The following RBFOX1 variants were observed in gnomAD, a reference collection of about 807,000 sequenced individuals.
RBFOX1 encodes RNA binding fox-1 homolog 1, also known as RNA binding protein fox-1 homolog 1.
In RBFOX1, 8 loss-of-function variants were observed where a neutral mutation model predicts 57.7. That is an observed-to-expected ratio of 0.14 (90% CI 0.08 to 0.25). The LOEUF is 0.25. Ranked by LOEUF, RBFOX1 falls within the 10% of genes least tolerant of loss-of-function variation. The probability of loss-of-function intolerance (pLI) is 1.00; values close to 1 mark genes in which losing one functional copy is unlikely to be tolerated. For missense variants in RBFOX1, 611 were observed against 548.5 expected, an observed-to-expected ratio of 1.11 and a Z score of -1.14; for synonymous variants, 326 against 222.4, an observed-to-expected ratio of 1.47 and a Z score of -4.15.
intron 4 of RBFOX1, among the ~76,000 whole-genome samples, chr16:7,282,717 T>G (rs1055806050): frequency 1.3e-5 from 2 of 152,190 alleles, no homozygotes; most frequent in African/African-American, 4.8e-5. Context: ...TGTAGGCTTT[T>G]ACCCCTCACC....
At chr16:7,317,857 G>A (rs1475806658) in intron 4 of RBFOX1, among the ~76,000 whole-genome samples, 1 of 152,198 alleles carries the variant, frequency 6.6e-6, no homozygotes, top group Non-Finnish European at 1.5e-5. Context: ...CAAAGACATA[G>A]CATTGTTAGG....
At chr16:7,484,393 C>G (rs1331476898) in intron 4 of RBFOX1, among the ~76,000 whole-genome samples, 6 of 152,130 alleles carry the variant, frequency 3.9e-5, no homozygotes, top group African/African-American at 9.7e-5. Context: ...ATTTAACATT[C>G]TAGGATACCA....
intron 2 of RBFOX1, among the ~76,000 whole-genome samples, chr16:5,574,070 T>C (rs1345619806): frequency 6.6e-6 from 1 of 152,232 alleles, no homozygotes; most frequent in Admixed American, 6.5e-5. Context: ...GCTCTTGAGA[T>C]TTTTATCTGT....
intron 2 of RBFOX1, among the ~76,000 whole-genome samples, chr16:5,559,038 C>T (rs1031834093): frequency 1.1e-4 from 16 of 151,994 alleles, no homozygotes; most frequent in Non-Finnish European, 2.2e-4. Context: ...GTTATGCTCA[C>T]GTGGGTACAG....
intron 4 of RBFOX1, among the ~76,000 whole-genome samples, chr16:7,194,335 G>C (rs2086160771): frequency 1.3e-5 from 2 of 152,120 alleles, no homozygotes; most frequent in African/African-American, 4.8e-5. Context: ...TTACATTACT[G>C]ATATCCAGTT....
At chr16:5,362,506 G>A (rs144676159) in intron 1 of RBFOX1, among the ~76,000 whole-genome samples, 5,884 of 152,322 alleles carry the variant, frequency 0.039, 157 homozygotes, top group South Asian at 0.093. Flanking sequence ...GGGATTACAG[G>A]CATGCGCCAA....
intron 1 of RBFOX1, among the ~76,000 whole-genome samples, chr16:5,350,599 C>T (rs762216831): frequency 1.3e-5 from 2 of 152,214 alleles, no homozygotes; most frequent in Non-Finnish European, 2.9e-5. Flanking sequence ...GGCACAGTGG[C>T]TTACACCTGT....
chr16:7,325,060 G>A (rs1304353997), intron 4 of RBFOX1, among the ~76,000 whole-genome samples: 3 of 152,266 alleles, frequency 2.0e-5, no homozygotes, highest in Middle Eastern at 3.4e-3. Flanking sequence ...TTGTTAGCAC[G>A]CTTTCATTTG....
At chr16:7,666,781 A>C (rs1319066811) in intron 13 of RBFOX1, among the ~76,000 whole-genome samples, 1 of 152,226 alleles carries the variant, frequency 6.6e-6, no homozygotes, top group Non-Finnish European at 1.5e-5. Context: ...AAGAAAATTT[A>C]TTCAGGGAAG....
rs1312269461 is a variant in RBFOX1 at position 7,594,402 on chromosome 16, A to G, written c.469-1147A>G. Among the ~76,000 whole-genome samples the G allele has an allele frequency of 2.0e-5, 3 of 152,222 alleles. No individual in the cohort carries two copies. The East Asian group carries it at 5.8e-4, about 29-fold the overall frequency. On this transcript the variant is annotated intron_variant, in intron 7 of 15. Coordinates refer to ENST00000550418, the MANE Select transcript of RBFOX1 (RefSeq NM_018723.4). ...GATTTCACCCAGTTTACAGTGAAAAATCTGAAAGAGCTGGGTAAATTTATG... is the reference window on the plus strand; with the variant it reads ...GATTTCACCCAGTTTACAGTGAAAAGTCTGAAAGAGCTGGGTAAATTTATG...
chr16:6,110,315 C>G (rs144880153), intron 1 of RBFOX1, among the ~76,000 whole-genome samples: 1,929 of 151,430 alleles, frequency 0.013, 25 homozygotes, highest in Non-Finnish European at 0.019. Context: ...GATAAATAAC[C>G]TCTCTGGAAA....
chr16:6,550,536 A>G (rs2096971183), intron 2 of RBFOX1, among the ~76,000 whole-genome samples: 1 of 151,954 alleles, frequency 6.6e-6, no homozygotes, highest in South Asian at 2.1e-4. Flanking sequence ...ATGTTGACCA[A>G]GCTGGTGTTG....
intron 4 of RBFOX1, among the ~76,000 whole-genome samples, chr16:7,387,026 C>G (rs944387376): frequency 1.3e-5 from 2 of 152,150 alleles, no homozygotes; most frequent in African/African-American, 4.8e-5. Flanking sequence ...TAAATGTCTT[C>G]TCTTGAGAAG....
At chr16:5,868,200 C>G (rs1215677536) in intron 4 of RBFOX1, among the ~76,000 whole-genome samples, 1 of 152,222 alleles carries the variant, frequency 6.6e-6, no homozygotes, top group Non-Finnish European at 1.5e-5. Flanking sequence ...GCCGGTCACT[C>G]TCACTCCTGA....
At chr16:7,294,125 C>G (rs1026061401) in intron 4 of RBFOX1, among the ~76,000 whole-genome samples, 3 of 152,108 alleles carry the variant, frequency 2.0e-5, no homozygotes, top group African/African-American at 7.2e-5. Context: ...ATCCAGAAGT[C>G]GAAACACAGA....
intron 4 of RBFOX1, among the ~76,000 whole-genome samples, chr16:7,152,570 C>T (rs1261601574): frequency 6.6e-6 from 1 of 152,004 alleles, no homozygotes; most frequent in African/African-American, 2.4e-5. Flanking sequence ...CAGTTAGGTT[C>T]ACTGGATTTC....
At position 6,091,787 on chromosome 16, in the gene RBFOX1, C is replaced by T. The variant is rs139974539; in HGVS notation, c.-127+71795C>T. On this transcript the variant is annotated intron_variant, in intron 1 of 15. Transcript: ENST00000550418. ...TGGAGGTTGCAGAGAGCCAAGATTG[C>T]GCCACTGCACTCCACCCTGTATGAC... Among the ~76,000 whole-genome samples the T allele has an allele frequency of 2.9e-4, 44 of 152,180 alleles. No individual in the cohort carries two copies. In the East Asian group the frequency reaches 4.3e-3, roughly 15 times the overall value.
intron 2 of RBFOX1, among the ~76,000 whole-genome samples, chr16:5,583,379 C>T (rs903179699): frequency 1.3e-5 from 2 of 152,206 alleles, no homozygotes; most frequent in African/African-American, 4.8e-5. Context: ...TGGCCAATCC[C>T]AGCGGCCATA....
At chr16:6,518,537 T>A (rs1050689517) in intron 2 of RBFOX1, among the ~76,000 whole-genome samples, 1 of 151,916 alleles carries the variant, frequency 6.6e-6, no homozygotes, top group African/African-American at 2.4e-5. Context: ...TGATTCCAGT[T>A]CAAAATCATG....
Sources: gnomAD v4.1 joint callset for allele counts (sites outside exome capture counted in the v4.1 genomes callset) on GRCh38, gnomAD v4.1.1 for gene constraint, MANE v1.5 for transcripts, NCBI Gene and HGNC (gene_info 2026-07-23, HGNC 2026-07-21) for gene names.